The following TAOK1 variants were observed in gnomAD, a reference collection of about 807,000 sequenced individuals.
The protein encoded by TAOK1 is serine/threonine-protein kinase TAO1.
A neutral mutation model predicts 138.3 loss-of-function variants in TAOK1; 21 were observed. The ratio of observed to expected loss-of-function variants is 0.15; its 90% confidence interval spans 0.11 to 0.22. The LOEUF (loss-of-function observed/expected upper bound fraction) is 0.22, where lower values mean the gene tolerates loss of function less well. TAOK1 is among the 10% of genes least tolerant of loss of function. The probability of loss-of-function intolerance (pLI) is 1.00; values close to 1 mark genes in which losing one functional copy is unlikely to be tolerated. For synonymous variants in TAOK1, 361 were observed against 398.4 expected (o/e 0.91, Z 1.12); for missense variants, 651 against 1,227.7 (o/e 0.53, Z 7.02).
chr17:29,534,153 G>A lies in TAOK1; in HGVS notation c.2397G>A (p.Gln799=). ...RLDEAQEAEC[Q]VLKMQLQQEL... ...ATGAAGCACAGGAAGCAGAGTGCCA[G>A]GTTTTGAAGATGCAGCTGCAGCAGG... is the stretch of plus-strand genomic sequence containing the variant. The change falls in exon 19 of 20, where the codon CAG becomes CAA. Residue 799 remains glutamine (Q), a synonymous_variant. Transcript: ENST00000261716. 6.2e-7 allele frequency: 1 copy of A among 1,612,142 alleles called. No homozygotes were observed. The highest frequency in any genetic ancestry group is 8.5e-7 in the Non-Finnish European group (1 of 1,179,308).
At chr17:29,486,496 G>T (rs1387043923) in intron 8 of TAOK1, among the ~76,000 whole-genome samples, 3 of 152,080 alleles carry the variant, frequency 2.0e-5, no homozygotes, top group African/African-American at 7.2e-5. Flanking sequence ...AGCTGGGCGT[G>T]GTGGCGCATC....
intron 3 of TAOK1, among the ~76,000 whole-genome samples, chr17:29,472,900 G>A (rs1235950540): frequency 1.3e-5 from 2 of 152,174 alleles, no homozygotes; most frequent in African/African-American, 4.8e-5. Flanking sequence ...AATAAGGCTT[G>A]GAACTCAAAA....
At chr17:29,539,653 C>G (rs2032282253) in intron 19 of TAOK1, among the ~76,000 whole-genome samples, 1 of 152,162 alleles carries the variant, frequency 6.6e-6, no homozygotes, top group South Asian at 2.1e-4. Flanking sequence ...TCAGGCTGGT[C>G]TCGAACTCCC....
intron 1 of TAOK1, among the ~76,000 whole-genome samples, chr17:29,448,399 T>C (rs904035864): frequency 6.6e-6 from 1 of 152,226 alleles, no homozygotes; most frequent in Non-Finnish European, 1.5e-5. Flanking sequence ...TAACTTTTTT[T>C]CCAAATGGAT....
chr17:29,520,183 GAAAAA>G (rs535870675), intron 16 of TAOK1, among the ~76,000 whole-genome samples: 3 of 70,204 alleles, frequency 4.3e-5, no homozygotes, highest in African/African-American at 9.4e-5. Context: ...TCTGTCTGAA[GAAAAA>G]AAAAAAAAAA....
chr17:29,501,232 AAAAAAAAAAAG>A (rs1431086291), intron 12 of TAOK1, among the ~76,000 whole-genome samples: 1 of 150,980 alleles, frequency 6.6e-6, no homozygotes, highest in Non-Finnish European at 1.5e-5. Context: ...AAAAAAAAAA[AAAAAAAAAAAG>A]AAAAGAAAAG....
At chr17:29,528,450 A>G (rs1598523705) in intron 17 of TAOK1, among the ~76,000 whole-genome samples, 1 of 152,224 alleles carries the variant, frequency 6.6e-6, no homozygotes, top group Admixed American at 6.5e-5. Flanking sequence ...GGAAAAGACC[A>G]TTGTAATAAC....
At chr17:29,412,262 C>A (rs1202746473) in intron 1 of TAOK1, among the ~76,000 whole-genome samples, 2 of 152,110 alleles carry the variant, frequency 1.3e-5, no homozygotes, top group Non-Finnish European at 2.9e-5. Context: ...AGGTTGGTCT[C>A]GAACTCCTGA....
rs1053843460 is a variant in TAOK1 at position 29,516,810 on chromosome 17, T to TTTG, written c.1705-627_1705-625dup. Among the ~76,000 whole-genome samples the TTTG allele has an allele frequency of 1.5e-4, 22 of 151,660 alleles. No homozygotes were observed. The East Asian group carries it at 1.6e-3, about 11-fold the overall frequency. On this transcript the variant is annotated intron_variant, in intron 15 of 19. Coordinates refer to ENST00000261716, the MANE Select transcript of TAOK1 (RefSeq NM_020791.4). ...GCCATTGCACCCGACCCCTGTTTTT[T>TTTG]TTGTTGTTGTTGTTGTTGGTTTTTT... is the stretch of plus-strand genomic sequence containing the variant.
intron 16 of TAOK1, among the ~76,000 whole-genome samples, chr17:29,520,634 C>T (rs1409510132): frequency 6.6e-6 from 1 of 151,612 alleles, no homozygotes; most frequent in Non-Finnish European, 1.5e-5. Context: ...AGGTTGGTCT[C>T]GAACTCCTGA....
At chr17:29,416,501 G>GT (rs1905268515) in intron 1 of TAOK1, among the ~76,000 whole-genome samples, 1 of 151,844 alleles carries the variant, frequency 6.6e-6, no homozygotes, top group African/African-American at 2.4e-5. Flanking sequence ...AAAAGGGGCA[G>GT]TTATACATTG....
chr17:29,499,840 C>T (rs1454421450), intron 12 of TAOK1, among the ~76,000 whole-genome samples: 1 of 151,582 alleles, frequency 6.6e-6, no homozygotes, highest in Non-Finnish European at 1.5e-5. Context: ...GGATTACAGG[C>T]GTGAGCCACT....
rs531026198 is a variant in TAOK1, at chr17:29,396,361, G to A, written c.-95+5337G>A. Among the ~76,000 whole-genome samples the A allele has an allele frequency of 2.7e-4, 41 of 152,126 alleles. 1 individual carries two copies. The South Asian group carries it at 7.5e-3, about 28-fold the overall frequency. On this transcript the variant is annotated intron_variant, in intron 1 of 19. Transcript: ENST00000261716. ...GAGTTTTTAAAATGTTAAGTACCTG[G>A]CATGTAAATAAAGTAAGTAAAAGTA...
chr17:29,523,601 T>C lies in TAOK1; in HGVS notation c.2148+1082T>C, dbSNP rs1470899273. 8.5e-5 allele frequency among the ~76,000 whole-genome samples: 13 copies of C among 152,226 alleles called. No individual in the cohort carries two copies. In the East Asian group the frequency reaches 2.5e-3, roughly 29 times the overall value. On this transcript the variant is annotated intron_variant, in intron 17 of 19. Coordinates refer to ENST00000261716, the MANE Select transcript of TAOK1 (RefSeq NM_020791.4). ...ACGGGGTTCACCGTGTTAGCCAGGA[T>C]GGTCTCAATCTCCTGACCTCGTGAT...
At chr17:29,492,333 C>T (rs1350599780) in intron 10 of TAOK1, among the ~76,000 whole-genome samples, 1 of 152,116 alleles carries the variant, frequency 6.6e-6, no homozygotes, top group African/African-American at 2.4e-5. Flanking sequence ...TTCTTAGATA[C>T]TAAATTTTTG....
At position 29,542,552 on chromosome 17, in the gene TAOK1, C is replaced by A. The variant is rs79141869; in HGVS notation, c.2545-9C>A. 4 of 1,566,870 alleles carry A rather than the reference C, an allele frequency of 2.6e-6. No homozygotes were observed. Among genetic ancestry groups the A allele is most frequent in the Non-Finnish European group, 3.5e-6 (4 of 1,156,922 alleles). ...AATTGGCTTTCATTTTTCTTCCAAT[C>A]TCCAACAGATTGAAGAAGAGATGTT... is the stretch of plus-strand genomic sequence containing the variant. On this transcript the variant is annotated splice_polypyrimidine_tract_variant and intron_variant, in intron 19 of 19. Transcript: ENST00000261716.
At chr17:29,428,811 A>G (rs1390821701) in intron 1 of TAOK1, among the ~76,000 whole-genome samples, 1 of 148,640 alleles carries the variant, frequency 6.7e-6, no homozygotes, top group Non-Finnish European at 1.5e-5. Flanking sequence ...TTTTTTCTGT[A>G]GAGACAGGGT....
chr17:29,468,278 A>G (rs62066616), intron 3 of TAOK1, among the ~76,000 whole-genome samples: 1 of 150,640 alleles, frequency 6.6e-6, no homozygotes, highest in Non-Finnish European at 1.5e-5. Flanking sequence ...CTGGGACTAC[A>G]GGTGCATGCC....
chr17:29,485,887 T>C (rs1366870219), intron 8 of TAOK1, among the ~76,000 whole-genome samples: 1 of 152,254 alleles, frequency 6.6e-6, no homozygotes, highest in African/African-American at 2.4e-5. Context: ...TAATTTCCTC[T>C]TGAGTTTTGG....
Sources: gnomAD v4.1 joint callset for allele counts (sites outside exome capture counted in the v4.1 genomes callset) on GRCh38, gnomAD v4.1.1 for gene constraint, MANE v1.5 for transcripts, NCBI Gene and HGNC (gene_info 2026-07-23, HGNC 2026-07-21) for gene names.